Variants in TIAM2 observed in about 807,000 individuals in gnomAD.
TIAM2 encodes rho guanine nucleotide exchange factor TIAM2.
Under a neutral mutation model 152.9 loss-of-function variants are expected in TIAM2, and 80 were observed. The ratio of observed to expected loss-of-function variants is 0.52; its 90% CI spans 0.44 to 0.63. The LOEUF (loss-of-function observed/expected upper bound fraction) is 0.63. Among genes scored for constraint, TIAM2 ranks in the 30% least tolerant of loss-of-function variants. The probability of loss-of-function intolerance (pLI) is 0.00; values close to 1 mark genes in which losing one functional copy is unlikely to be tolerated. For synonymous variants in TIAM2, 804 were observed against 838.0 expected (o/e 0.96, Z 0.70); for missense variants, 1,965 against 2,120.1 (o/e 0.93, Z 1.44).
intron 2 of TIAM2, among the ~76,000 whole-genome samples, chr6:155,113,985 T>C (rs1294334086): frequency 7.2e-6 from 1 of 138,500 alleles, no homozygotes; most frequent in Admixed American, 7.8e-5. Flanking sequence ...CTATACTTTA[T>C]CTTAAAAATG....
At chr6:155,069,251 C>T (rs137861912) in intron 1 of TIAM2, among the ~76,000 whole-genome samples, 4,219 of 152,114 alleles carry the variant, frequency 0.028, 183 homozygotes, top group Admixed American at 0.13. Flanking sequence ...TGTGCCACCA[C>T]GCCTGACTAA....
rs200425536 is a variant in TIAM2, at chr6:155,137,525, T to A, written c.1543T>A (p.Phe515Ile). ...GGTCCGGAAGGCCGGGTGGCTCTTC[T>A]TCAAGCCCCTGGTCACTGTGCAGAA... is the stretch of plus-strand genomic sequence containing the variant. The part of the protein sequence containing the change: ...GVVRKAGWLF[F>I]KPLVTVQKER... Residue 515 changes from phenylalanine (F) to isoleucine (I), a missense_variant, in exon 5 of 27, where the codon TTC becomes ATC. Coordinates refer to ENST00000682666, the MANE Select transcript of TIAM2 (RefSeq NM_012454.4). The A allele has an allele frequency of 1.2e-4, 196 of 1,613,912 alleles. 1 individual carries two copies. The Admixed American group carries it at 3.2e-3, about 26-fold the overall frequency.
At chr6:155,078,623 C>G (rs1415168283) in intron 1 of TIAM2, among the ~76,000 whole-genome samples, 1 of 152,212 alleles carries the variant, frequency 6.6e-6, no homozygotes, top group Non-Finnish European at 1.5e-5. Context: ...CTTTCCAGCT[C>G]TGCCCTGACA....
intron 14 of TIAM2, among the ~76,000 whole-genome samples, chr6:155,197,770 G>A (rs1031873736): frequency 6.6e-6 from 1 of 152,094 alleles, no homozygotes; most frequent in African/African-American, 2.4e-5. Flanking sequence ...GATCTCGTTT[G>A]AACTCGCTGT....
At chr6:155,229,314 A>C (rs1347056917) in intron 15 of TIAM2, among the ~76,000 whole-genome samples, 1 of 152,158 alleles carries the variant, frequency 6.6e-6, no homozygotes, top group African/African-American at 2.4e-5. Flanking sequence ...GCACTCGGGA[A>C]ATTTATTCTT....
intron 15 of TIAM2, among the ~76,000 whole-genome samples, chr6:155,219,052 C>T (rs111649861): frequency 0.012 from 1,754 of 141,424 alleles, no homozygotes; most frequent in Middle Eastern, 0.026. Context: ...ATCTCAGCCG[C>T]CCACCCGTGT....
intron 7 of TIAM2, among the ~76,000 whole-genome samples, chr6:155,161,546 C>T (rs1780270088): frequency 6.6e-6 from 1 of 151,630 alleles, no homozygotes; most frequent in African/African-American, 2.4e-5. Flanking sequence ...TTGGCATAGA[C>T]CTGAATTTTA....
At chr6:155,049,944 C>T (rs80236892) in intron 1 of TIAM2, among the ~76,000 whole-genome samples, 1,923 of 152,186 alleles carry the variant, frequency 0.013, 50 homozygotes, top group African/African-American at 0.044. Context: ...AGGACTTTTG[C>T]AGCTCACCGC....
At chr6:155,012,247 G>A (rs1002105236) in intron 1 of TIAM2, among the ~76,000 whole-genome samples, 5 of 151,752 alleles carry the variant, frequency 3.3e-5, no homozygotes, top group African/African-American at 9.7e-5. Flanking sequence ...TGTACTGTAC[G>A]GCCCACATTT....
chr6:155,107,005 G>A (rs867275902), intron 2 of TIAM2, among the ~76,000 whole-genome samples: 3 of 152,072 alleles, frequency 2.0e-5, no homozygotes, highest in Non-Finnish European at 2.9e-5. Flanking sequence ...AGCTCTCAAC[G>A]GCTGAGCATT....
At position 155,254,560 on chromosome 6, in the gene TIAM2, T is replaced by G; in HGVS notation, c.4455T>G (p.Val1485=). The stretch of plus-strand genomic sequence containing the variant: ...TACCTCTTAAGAACCGAGTTCCTGT[T>G]TCGGCCAAATTAGGTGAGAATTTTG... ...RLVPLKNRVP[V]SAKLASSRSL... is the part of the protein sequence containing the mutation. The change falls in exon 26 of 27, where the codon GTT becomes GTG. Residue 1485 remains valine, a synonymous_variant. Transcript: ENST00000682666. The G allele has an allele frequency of 6.2e-7, 1 of 1,611,310 alleles. No homozygotes were observed.
At position 154,996,642 on chromosome 6, in the gene TIAM2, A is replaced by G. The variant is rs145698974; in HGVS notation, c.-209+1150A>G. ...TTCGTACAGGTGCGGATCATATGCT[A>G]TAAATGTTTCAGTCCTAGGCTCTGG... On this transcript the variant is annotated intron_variant, in intron 1 of 26. Coordinates refer to ENST00000682666, the MANE Select transcript of TIAM2 (RefSeq NM_012454.4). Among the ~76,000 whole-genome samples, 666 of 152,328 alleles carry G rather than the reference A, an allele frequency of 4.4e-3. 10 individuals carry two copies. The highest frequency in any genetic ancestry group is 0.015 in the African/African-American group (624 of 41,572).
At chr6:155,104,947 T>C (rs1778647806) in intron 2 of TIAM2, among the ~76,000 whole-genome samples, 1 of 152,140 alleles carries the variant, frequency 6.6e-6, no homozygotes. Context: ...AAAATCTTTC[T>C]GTTGGATATG....
At chr6:155,038,953 C>CTTTTTTTTTTTTTTTTTTTTTTTTTTT (rs33971396) in intron 1 of TIAM2, among the ~76,000 whole-genome samples, 1 of 64,146 alleles carries the variant, frequency 1.6e-5, no homozygotes. Flanking sequence ...TGAGCATGTC[C>CTTTTTTTTTTTTTTTTTTTTTTTTTTT]TTTTTTTTTT....
At chr6:155,216,842 A>T (rs1371426883) in intron 15 of TIAM2, 3 of 1,102,602 alleles carry the variant, frequency 2.7e-6, no homozygotes, top group African/African-American at 3.4e-5. Flanking sequence ...GGCTCCCGGC[A>T]TGGGTGGAAA....
intron 14 of TIAM2, among the ~76,000 whole-genome samples, chr6:155,187,387 A>C (rs1781064576): frequency 1.3e-5 from 2 of 152,048 alleles, no homozygotes; most frequent in South Asian, 4.2e-4. Context: ...TCTAGAAAAG[A>C]AGCATCCTTG....
intron 5 of TIAM2, among the ~76,000 whole-genome samples, chr6:155,138,600 A>G (rs1583210240): frequency 6.6e-6 from 1 of 152,030 alleles, no homozygotes; most frequent in Non-Finnish European, 1.5e-5. Flanking sequence ...CCCATCCCTC[A>G]ACAGGCCCCA....
chr6:155,011,286 C>A (rs1197623800), intron 1 of TIAM2, among the ~76,000 whole-genome samples: 1 of 152,048 alleles, frequency 6.6e-6, no homozygotes, highest in Non-Finnish European at 1.5e-5. Context: ...TTTGGACAGG[C>A]GATCATTTAA....
At chr6:155,250,565 G>A in intron 21 of TIAM2, 1 of 1,536,018 alleles carries the variant, frequency 6.5e-7, no homozygotes, top group Non-Finnish European at 8.7e-7. Context: ...AGAGGTGATG[G>A]ATGTACTAGA....
Sources: gnomAD v4.1 joint callset for allele counts (sites outside exome capture counted in the v4.1 genomes callset) on GRCh38, gnomAD v4.1.1 for gene constraint, MANE v1.5 for transcripts, NCBI Gene and HGNC (gene_info 2026-07-23, HGNC 2026-07-21) for gene names.